Variants in AK8 observed in about 807,000 individuals in gnomAD.
AK8 encodes adenylate kinase 8.
In AK8, 44 loss-of-function variants were observed where a neutral mutation model predicts 54.6. That is an observed-to-expected ratio of 0.81 (90% CI 0.63 to 1.04). The LOEUF (loss-of-function observed/expected upper bound fraction) is 1.04. AK8 is among the 50% of genes least tolerant of loss of function. AK8 has a pLI of 0.00. For missense variants in AK8, 555 were observed against 613.6 expected (o/e 0.90, Z 1.01); for synonymous variants, 239 against 245.6 (o/e 0.97, Z 0.25).
chr9:132,850,242 CAG>C (rs1244670574), intron 5 of AK8, among the ~76,000 whole-genome samples: 29 of 127,798 alleles, frequency 2.3e-4, no homozygotes, highest in African/African-American at 8.3e-4. Flanking sequence ...TTTTTTGAGA[CAG>C]AGTCTTGCTC....
At chr9:132,729,644 C>T (rs571341517) in intron 11 of AK8, among the ~76,000 whole-genome samples, 1 of 152,284 alleles carries the variant, frequency 6.6e-6, no homozygotes, top group South Asian at 2.1e-4. Context: ...CAGGAAGTTC[C>T]AGTGTTTGCC....
intron 11 of AK8, among the ~76,000 whole-genome samples, chr9:132,775,150 C>T (rs949850918): frequency 3.3e-5 from 5 of 152,156 alleles, no homozygotes; most frequent in Non-Finnish European, 7.3e-5. Context: ...AAACCTCTCC[C>T]TGACCTCCAA....
At chr9:132,756,818 A>G (rs75012809) in intron 11 of AK8, among the ~76,000 whole-genome samples, 2,385 of 151,496 alleles carry the variant, frequency 0.016, 50 homozygotes, top group African/African-American at 0.051. Flanking sequence ...ACCCCCATAA[A>G]ACGACTCACT....
At position 132,781,234 on chromosome 9, in the gene AK8, T is replaced by C. The variant is rs1471133980; in HGVS notation, c.1121+11400A>G. 6.6e-6 allele frequency among the ~76,000 whole-genome samples: 1 copy of C among 152,222 alleles called. No individual in the cohort carries two copies. Among genetic ancestry groups the C allele is most frequent in the Non-Finnish European group, 1.5e-5 (1 of 68,038 alleles). Reference sequence around the variant, plus strand: ...ACTTTATAGCCCATTTTATTTGTTCTGAAATAACTTTTTTTCCTTCTTTTC... The same window carrying C: ...ACTTTATAGCCCATTTTATTTGTTCCGAAATAACTTTTTTTCCTTCTTTTC... On this transcript the variant is annotated intron_variant, in intron 11 of 12. Transcript: ENST00000298545. The surrounding 1 kb of genome is among the most constrained non-coding windows in gnomAD (Gnocchi z 4.6).
rs923835171 is a variant in AK8, at chr9:132,790,854, A to T, written c.1121+1780T>A. Among the ~76,000 whole-genome samples, 17 of 152,206 alleles carry T rather than the reference A, an allele frequency of 1.1e-4. No homozygotes were observed. Among genetic ancestry groups the T allele is most frequent in the Admixed American group, 1.0e-3 (16 of 15,284 alleles). ...AAGGTGGCTGGGGTATAAAATAAGT[A>T]AGCCAAAATCAATGTCTTTTGTATA... On this transcript the variant is annotated intron_variant, in intron 11 of 12. Coordinates refer to ENST00000298545, the MANE Select transcript of AK8 (RefSeq NM_152572.3). This position sits in a 1 kb window ranked among gnomAD's most constrained non-coding sequence, Gnocchi z 4.1.
At chr9:132,752,644 CCA>C (rs1837989651) in intron 11 of AK8, among the ~76,000 whole-genome samples, 1 of 152,154 alleles carries the variant, frequency 6.6e-6, no homozygotes, top group Admixed American at 6.5e-5. Context: ...CCTTGTTCCT[CCA>C]GTGGCTTCCC....
intron 11 of AK8, among the ~76,000 whole-genome samples, chr9:132,771,439 C>T (rs1388768268): frequency 6.6e-6 from 1 of 152,230 alleles, no homozygotes. Flanking sequence ...AATGTGTCGC[C>T]TTCCCTGGAT....
At chr9:132,795,214 C>T (rs924924253) in intron 10 of AK8, among the ~76,000 whole-genome samples, 1 of 152,212 alleles carries the variant, frequency 6.6e-6, no homozygotes, top group Non-Finnish European at 1.5e-5. Flanking sequence ...CTCCTCTCCC[C>T]AGAAGGAGTC....
At position 132,872,267 on chromosome 9, in the gene AK8, T is replaced by A. The variant is rs978988560; in HGVS notation, c.169+2848A>T. ...AGGAGGATCACTTGAGCCTAGGAGG[T>A]CAAGCCTGTAATGGGCTGTAATCTC... On this transcript the variant is annotated intron_variant, in intron 2 of 12. Coordinates refer to ENST00000298545, the MANE Select transcript of AK8 (RefSeq NM_152572.3). Among the ~76,000 whole-genome samples, 4 of 152,020 alleles carry A rather than the reference T, an allele frequency of 2.6e-5. No individual in the cohort carries two copies. In the South Asian group the frequency reaches 8.3e-4, roughly 32 times the overall value.
At chr9:132,827,571 T>C in intron 7 of AK8, 2 of 206,270 alleles carry the variant, frequency 9.7e-6, no homozygotes, top group Non-Finnish European at 2.0e-5. Flanking sequence ...CTGCCTGGTC[T>C]TCAAGGCCCA....
intron 11 of AK8, among the ~76,000 whole-genome samples, chr9:132,757,935 C>A (rs1838271535): frequency 6.6e-6 from 1 of 152,224 alleles, no homozygotes; most frequent in Non-Finnish European, 1.5e-5. Flanking sequence ...GAGGGCAATT[C>A]CACTGAACTG....
intron 11 of AK8, among the ~76,000 whole-genome samples, chr9:132,778,329 T>C (rs543048409): frequency 1.3e-5 from 2 of 152,282 alleles, no homozygotes; most frequent in Admixed American, 1.3e-4. Flanking sequence ...GCTGCAGTAA[T>C]GGAGTTATTA....
chr9:132,755,768 AT>A (rs5900991), intron 11 of AK8, among the ~76,000 whole-genome samples: 73,509 of 143,654 alleles, frequency 0.51, 21,238 homozygotes, highest in East Asian at 0.75. Flanking sequence ...CAACTCTCAG[AT>A]TTTTTTTTTT....
intron 11 of AK8, among the ~76,000 whole-genome samples, chr9:132,737,518 A>G (rs1837177557): frequency 6.6e-6 from 1 of 152,234 alleles, no homozygotes. Context: ...GCATTACATA[A>G]AAAGAATAAT....
At chr9:132,795,085 G>GGAT (rs1176506366) in intron 10 of AK8, among the ~76,000 whole-genome samples, 6 of 152,318 alleles carry the variant, frequency 3.9e-5, no homozygotes, top group African/African-American at 1.4e-4. Flanking sequence ...CTGGGATAAA[G>GGAT]GATGACAGAT....
intron 11 of AK8, among the ~76,000 whole-genome samples, chr9:132,765,189 A>T (rs1838665821): frequency 6.9e-6 from 1 of 144,892 alleles, no homozygotes; most frequent in South Asian, 2.4e-4. Context: ...GCTACTCGGG[A>T]GGCTGAGGCG....
At chr9:132,812,384 C>T (rs532319409) in intron 10 of AK8, among the ~76,000 whole-genome samples, 2 of 149,990 alleles carry the variant, frequency 1.3e-5, no homozygotes, top group East Asian at 2.0e-4. Context: ...GCGCCCACCA[C>T]CACACGTGGC....
chr9:132,788,651 A>G (rs1300190069), intron 11 of AK8, among the ~76,000 whole-genome samples: 1 of 152,230 alleles, frequency 6.6e-6, no homozygotes, highest in Non-Finnish European at 1.5e-5. Flanking sequence ...GTGATTTTCT[A>G]AGAAGAGACC....
At chr9:132,728,137 C>A (rs777771172) in intron 11 of AK8, among the ~76,000 whole-genome samples, 2 of 152,196 alleles carry the variant, frequency 1.3e-5, no homozygotes, top group Non-Finnish European at 1.5e-5. Context: ...TCACCCCAGA[C>A]GAGGGTGGGC....
Sources: gnomAD v4.1 joint callset for allele counts (sites outside exome capture counted in the v4.1 genomes callset) on GRCh38, gnomAD v4.1.1 for gene constraint, Gnocchi (gnomAD v3.1) non-coding constraint, MANE v1.5 for transcripts, NCBI Gene and HGNC (gene_info 2026-07-23, HGNC 2026-07-21) for gene names.